Variants in CACNA2D1 observed in about 807,000 individuals in gnomAD.
CACNA2D1 encodes voltage-dependent calcium channel subunit alpha-2/delta-1.
In CACNA2D1, 53 loss-of-function variants were observed where a neutral mutation model predicts 171.5. The ratio of observed to expected loss-of-function variants is 0.31; its 90% confidence interval spans 0.25 to 0.39. The LOEUF is 0.39. Ranked by LOEUF, CACNA2D1 falls within the 10% of genes least tolerant of loss-of-function variation. The probability of loss-of-function intolerance (pLI) is 1.00; values close to 1 mark genes in which losing one functional copy is unlikely to be tolerated. For synonymous variants in CACNA2D1, 442 were observed against 443.1 expected (o/e 1.00, Z 0.03); for missense variants, 903 against 1,299.8 (o/e 0.69, Z 4.69).
intron 1 of CACNA2D1, chr7:82,410,502 C>T (rs939788884): frequency 1.0e-6 from 1 of 985,258 alleles, no homozygotes; most frequent in African/African-American, 1.7e-5. Flanking sequence ...AAAATTACCT[C>T]TTTCATGAGC....
At chr7:82,426,863 G>A (rs762118055) in intron 1 of CACNA2D1, among the ~76,000 whole-genome samples, 1 of 152,026 alleles carries the variant, frequency 6.6e-6, no homozygotes, top group Non-Finnish European at 1.5e-5. Context: ...TCAGTTACCC[G>A]CAGTCGACCA....
intron 3 of CACNA2D1, among the ~76,000 whole-genome samples, chr7:82,269,307 A>G (rs1006281455): frequency 6.6e-6 from 1 of 151,906 alleles, no homozygotes; most frequent in East Asian, 1.9e-4. Context: ...TTTTTCATAC[A>G]TTTTACAGAC....
At chr7:82,009,171 C>G (rs1415175184) in intron 15 of CACNA2D1, 1 of 151,910 alleles carries the variant, frequency 6.6e-6, no homozygotes, top group Non-Finnish European at 1.5e-5. Context: ...TTCCCCTTCG[C>G]TCAACACTTA....
At chr7:82,110,675 G>A (rs1788273199) in intron 6 of CACNA2D1, among the ~76,000 whole-genome samples, 3 of 152,068 alleles carry the variant, frequency 2.0e-5, no homozygotes, top group Non-Finnish European at 4.4e-5. Context: ...CCATGCTCCT[G>A]CCTGAAGATC....
At chr7:82,299,214 A>T (rs1812693663) in intron 3 of CACNA2D1, among the ~76,000 whole-genome samples, 1 of 152,184 alleles carries the variant, frequency 6.6e-6, no homozygotes, top group South Asian at 2.1e-4. Context: ...ATCATATACC[A>T]AATTATTCTC....
chr7:82,234,426 G>A (rs1803310881), intron 3 of CACNA2D1, among the ~76,000 whole-genome samples: 1 of 151,826 alleles, frequency 6.6e-6, no homozygotes. Flanking sequence ...AAGTAATTAT[G>A]CAGATGTTAT....
intron 3 of CACNA2D1, among the ~76,000 whole-genome samples, chr7:82,263,732 T>C (rs1164740340): frequency 2.0e-5 from 3 of 152,220 alleles, no homozygotes; most frequent in Non-Finnish European, 4.4e-5. Flanking sequence ...TCCATCATTA[T>C]TGGCCATTTT....
intron 6 of CACNA2D1, among the ~76,000 whole-genome samples, chr7:82,090,384 G>A (rs1811011387): frequency 6.6e-6 from 1 of 151,672 alleles, no homozygotes; most frequent in Non-Finnish European, 1.5e-5. Flanking sequence ...GATATGTAAG[G>A]GACTAGATAC....
At chr7:82,013,652 T>A (rs1026289181) in intron 13 of CACNA2D1, 142 bp from the exon 14 acceptor site, 7 of 251,614 alleles carry the variant, frequency 2.8e-5, no homozygotes, top group African/African-American at 4.5e-5. Context: ...TACTGAAATA[T>A]CAAAATTAAG....
At chr7:82,331,718 A>G (rs1234851573) in intron 3 of CACNA2D1, among the ~76,000 whole-genome samples, 1 of 152,196 alleles carries the variant, frequency 6.6e-6, no homozygotes, top group Non-Finnish European at 1.5e-5. Context: ...AGAAAGTCTC[A>G]ATAGAATTCT....
chr7:82,154,590 C>T (rs917138371), intron 4 of CACNA2D1, among the ~76,000 whole-genome samples: 2 of 151,896 alleles, frequency 1.3e-5, no homozygotes, highest in African/African-American at 4.8e-5. Context: ...TATCCTTGAG[C>T]TTAAATTTAA....
chr7:82,227,278 C>T (rs1802464184), intron 3 of CACNA2D1, among the ~76,000 whole-genome samples: 1 of 152,108 alleles, frequency 6.6e-6, no homozygotes. Context: ...TTACTATGGT[C>T]TCAAATGATT....
At chr7:82,135,972 T>G (rs986067393) in intron 5 of CACNA2D1, among the ~76,000 whole-genome samples, 1 of 152,170 alleles carries the variant, frequency 6.6e-6, no homozygotes, top group African/African-American at 2.4e-5. Context: ...AAAAATTAAG[T>G]GTAACCTTTA....
intron 1 of CACNA2D1, among the ~76,000 whole-genome samples, chr7:82,407,869 C>A (rs559082032): frequency 2.0e-5 from 3 of 152,058 alleles, no homozygotes; most frequent in Middle Eastern, 3.4e-3. Context: ...GGATTCTATG[C>A]CTAATAGATA....
At chr7:82,053,581 C>T (rs1805471114) in intron 10 of CACNA2D1, among the ~76,000 whole-genome samples, 1 of 151,936 alleles carries the variant, frequency 6.6e-6, no homozygotes, top group African/African-American at 2.4e-5. Flanking sequence ...ACTAATTAAG[C>T]CTAAGGAGGA....
intron 3 of CACNA2D1, among the ~76,000 whole-genome samples, chr7:82,309,609 C>A (rs528423734): frequency 6.6e-6 from 1 of 152,290 alleles, no homozygotes; most frequent in Non-Finnish European, 1.5e-5. Flanking sequence ...ACGCTGGCTG[C>A]TGGATTCTTC....
intron 5 of CACNA2D1, among the ~76,000 whole-genome samples, chr7:82,128,736 T>G (rs1377413037): frequency 6.6e-6 from 1 of 152,198 alleles, no homozygotes; most frequent in Non-Finnish European, 1.5e-5. Flanking sequence ...CAACATGTAC[T>G]AATCTCATGA....
intron 3 of CACNA2D1, among the ~76,000 whole-genome samples, chr7:82,274,004 A>G (rs1023947167): frequency 3.3e-5 from 5 of 152,144 alleles, no homozygotes; most frequent in African/African-American, 4.8e-5. Context: ...CTGCTGTTCT[A>G]GAAGACCATA....
At chr7:82,160,581 G>A (rs1180603000) in intron 4 of CACNA2D1, among the ~76,000 whole-genome samples, 2 of 152,024 alleles carry the variant, frequency 1.3e-5, no homozygotes, top group Non-Finnish European at 2.9e-5. Flanking sequence ...CACAATCACT[G>A]CTCACGCCTC....
Sources: gnomAD v4.1 joint callset for allele counts (sites outside exome capture counted in the v4.1 genomes callset) on GRCh38, gnomAD v4.1.1 for gene constraint, MANE v1.5 for transcripts, NCBI Gene and HGNC (gene_info 2026-07-23, HGNC 2026-07-21) for gene names.